Variants in PDZRN3 observed in about 807,000 individuals in gnomAD.
PDZRN3 encodes the protein E3 ubiquitin-protein ligase PDZRN3.
Under a neutral mutation model 85.7 loss-of-function variants are expected in PDZRN3, and 38 were observed. The ratio of observed to expected loss-of-function variants is 0.44; its 90% CI spans 0.34 to 0.58. The LOEUF is 0.58. Ranked by LOEUF, PDZRN3 falls within the 20% of genes least tolerant of loss-of-function variation. The pLI, the probability that PDZRN3 is intolerant of heterozygous loss-of-function variation, is 0.01. For synonymous variants in PDZRN3, 759 were observed against 638.0 expected (o/e 1.19, Z -2.86); for missense variants, 1,629 against 1,506.4 (o/e 1.08, Z -1.35).
At chr3:73,403,276 C>T (rs1701790692) in intron 4 of PDZRN3, among the ~76,000 whole-genome samples, 1 of 152,174 alleles carries the variant, frequency 6.6e-6, no homozygotes, top group Non-Finnish European at 1.5e-5. Flanking sequence ...CTATGTCGAA[C>T]TGGACACCTT....
intron 3 of PDZRN3, among the ~76,000 whole-genome samples, chr3:73,460,472 T>G (rs1703080505): frequency 1.3e-5 from 2 of 152,214 alleles, no homozygotes; most frequent in African/African-American, 4.8e-5. Context: ...ACCAACAATC[T>G]TAAGCCTCAA....
At chr3:73,397,904 T>C (rs1489553697) in intron 5 of PDZRN3, among the ~76,000 whole-genome samples, 1 of 152,186 alleles carries the variant, frequency 6.6e-6, no homozygotes, top group African/African-American at 2.4e-5. Flanking sequence ...AGAATGCCCT[T>C]ATTCTGGTTG....
chr3:73,405,869 G>A (rs143973188), intron 3 of PDZRN3, among the ~76,000 whole-genome samples: 19 of 152,260 alleles, frequency 1.2e-4, no homozygotes, highest in African/African-American at 4.6e-4. Context: ...CATAAGTATT[G>A]GTTGTAAAGC....
At chr3:73,452,067 A>G (rs1702873498) in intron 3 of PDZRN3, among the ~76,000 whole-genome samples, 1 of 152,150 alleles carries the variant, frequency 6.6e-6, no homozygotes, top group African/African-American at 2.4e-5. Context: ...TAGCTCAGCT[A>G]TGGGCTAATT....
intron 5 of PDZRN3, among the ~76,000 whole-genome samples, chr3:73,397,736 G>A (rs1381492048): frequency 2.0e-5 from 3 of 152,208 alleles, no homozygotes; most frequent in Non-Finnish European, 4.4e-5. Flanking sequence ...GACGACATCT[G>A]TCCAAAACTG....
intron 3 of PDZRN3, among the ~76,000 whole-genome samples, chr3:73,532,853 C>G (rs1292234059): frequency 6.6e-6 from 1 of 152,154 alleles, no homozygotes. Context: ...ATGTAAGAAG[C>G]GAGAAATCTG....
chr3:73,489,860 C>T (rs571865396), intron 3 of PDZRN3, among the ~76,000 whole-genome samples: 2 of 152,132 alleles, frequency 1.3e-5, no homozygotes, highest in East Asian at 3.9e-4. Flanking sequence ...GCGTGAGCCA[C>T]CACGCCCGGC....
chr3:73,384,273 G>A lies in PDZRN3; in HGVS notation c.2293C>T (p.Arg765Cys), dbSNP rs1219414725. 6.2e-7 allele frequency: 1 copy of A among 1,612,938 alleles called. No homozygotes were observed. The highest frequency in any genetic ancestry group is 8.5e-7 in the Non-Finnish European group (1 of 1,179,724). The change falls in exon 10 of 10, where the codon CGC (arginine) becomes TGC (cysteine). Residue 765 changes from arginine to cysteine, a missense_variant. By Grantham distance (180) the Arg-to-Cys change is radical. Coordinates refer to ENST00000263666, the MANE Select transcript of PDZRN3 (RefSeq NM_015009.3). Reference protein sequence around the residue: ...SSAYNTGESCRSTPLTLEISP... With the variant: ...SSAYNTGESCCSTPLTLEISP... ...ATCTCCAGGGTGAGCGGGGTGCTGC[G>A]GCAGCTCTCGCCTGTGTTGTAGGCG...
At chr3:73,537,977 T>C (rs992931413) in intron 3 of PDZRN3, among the ~76,000 whole-genome samples, 18 of 152,268 alleles carry the variant, frequency 1.2e-4, no homozygotes, top group African/African-American at 3.9e-4. Context: ...CCAGGTATCA[T>C]AGTCAATATC....
At chr3:73,411,028 C>T (rs1002195482) in intron 3 of PDZRN3, among the ~76,000 whole-genome samples, 3 of 152,236 alleles carry the variant, frequency 2.0e-5, no homozygotes, top group African/African-American at 7.2e-5. Context: ...TTCTACATCT[C>T]CTAAGTTCTT....
At chr3:73,460,578 C>T (rs1703082998) in intron 3 of PDZRN3, among the ~76,000 whole-genome samples, 1 of 152,188 alleles carries the variant, frequency 6.6e-6, no homozygotes, top group African/African-American at 2.4e-5. Flanking sequence ...AGGTATCTGA[C>T]AAATGTGGCC....
At chr3:73,560,510 C>G (rs142229674) in intron 3 of PDZRN3, among the ~76,000 whole-genome samples, 1 of 152,152 alleles carries the variant, frequency 6.6e-6, no homozygotes, top group African/African-American at 2.4e-5. Flanking sequence ...GTGGAAGAAC[C>G]GGGAAATCAT....
At chr3:73,621,735 C>A (rs1191477716) in intron 1 of PDZRN3, 1 of 152,160 alleles carries the variant, frequency 6.6e-6, no homozygotes, top group Non-Finnish European at 1.5e-5. Flanking sequence ...TCAAGGCTGG[C>A]ACTGAGGTTG....
chr3:73,421,698 A>G (rs1205746598), intron 3 of PDZRN3, among the ~76,000 whole-genome samples: 3 of 152,194 alleles, frequency 2.0e-5, no homozygotes, highest in African/African-American at 7.2e-5. Flanking sequence ...GCCAGGCTGG[A>G]GTGCAGTGGC....
intron 3 of PDZRN3, among the ~76,000 whole-genome samples, chr3:73,581,974 CCTGTGG>C (rs1196255835): frequency 1.8e-5 from 1 of 55,376 alleles, no homozygotes; most frequent in Non-Finnish European, 4.7e-5. Flanking sequence ...GTGGCACGTG[CCTGTGG>C]TACCAGCTAC....
At chr3:73,492,712 A>T (rs772649762) in intron 3 of PDZRN3, among the ~76,000 whole-genome samples, 10 of 152,176 alleles carry the variant, frequency 6.6e-5, no homozygotes, top group Non-Finnish European at 1.5e-4. Context: ...CTGCTGTTCC[A>T]TAGGCCTGTG....
At chr3:73,594,004 A>G (rs532784223) in intron 3 of PDZRN3, 1 of 152,294 alleles carries the variant, frequency 6.6e-6, no homozygotes, top group South Asian at 2.1e-4. Context: ...GTAGCACTCC[A>G]TACTGTCCAC....
Position 73,384,042 on chromosome 3 carries a change from C to A in PDZRN3, c.2524G>T (p.Ala842Ser). The A allele has an allele frequency of 6.2e-7, 1 of 1,600,812 alleles. No homozygotes were observed. Among genetic ancestry groups the A allele is most frequent in the Admixed American group, 1.7e-5 (1 of 58,880 alleles). ...GTGGGGCTCCGGCTCCCGTCGCTGG[C>A]TCTCCGCTCTTTGCTTTCCAGGGGC... ...NQPLESKERR[A>S]SDGSRSPTPS... The change falls in exon 10 of 10, where the codon GCC (alanine) becomes TCC (serine). Residue 842 changes from alanine (A) to serine (S), a missense_variant. Physicochemically the swap from Ala to Ser is moderately conservative, Grantham distance 99. Coordinates refer to ENST00000263666, the MANE Select transcript of PDZRN3 (RefSeq NM_015009.3).
At chr3:73,446,040 T>C (rs1702742384) in intron 3 of PDZRN3, among the ~76,000 whole-genome samples, 1 of 152,214 alleles carries the variant, frequency 6.6e-6, no homozygotes, top group African/African-American at 2.4e-5. Context: ...GATTCGTCCC[T>C]GGGGGTAAGC....
Sources: gnomAD v4.1 joint callset for allele counts (sites outside exome capture counted in the v4.1 genomes callset) on GRCh38, gnomAD v4.1.1 for gene constraint, MANE v1.5 for transcripts, NCBI Gene and HGNC (gene_info 2026-07-23, HGNC 2026-07-21) for gene names.